Variants in SRD5A2 observed in about 807,000 individuals in gnomAD.
The protein encoded by SRD5A2 is 3-oxo-5-alpha-steroid 4-dehydrogenase 2.
SRD5A2 carries 30 observed loss-of-function variants against 27.4 expected under a neutral mutation model. The ratio of observed to expected loss-of-function variants is 1.10; its 90% confidence interval spans 0.82 to 1.49. The LOEUF is 1.49. Among genes scored for constraint, SRD5A2 ranks in the 40% most tolerant of loss-of-function variants. SRD5A2 has a pLI of 0.00. For synonymous variants in SRD5A2, 141 were observed against 133.6 expected (o/e 1.06, Z -0.38); for missense variants, 348 against 323.4 (o/e 1.08, Z -0.58).
At chr2:31,603,842 A>G in the SRD5A2 span, among the ~76,000 whole-genome samples, 1 of 152,010 alleles carries the variant, frequency 6.6e-6, no homozygotes, top group Non-Finnish European at 1.5e-5. Flanking sequence ...GAACTGAATG[A>G]TAAGAACACA....
chr2:31,531,857 C>T (rs1665915442), intron 2 of SRD5A2, among the ~76,000 whole-genome samples: 2 of 152,210 alleles, frequency 1.3e-5, no homozygotes, highest in Admixed American at 1.3e-4. Context: ...CTGATTCCAG[C>T]CCCTTTTCTT....
At chr2:31,581,760 C>G (rs1476077129), upstream of SRD5A2, among the ~76,000 whole-genome samples, 2 of 152,216 alleles carry the variant, frequency 1.3e-5, no homozygotes, top group African/African-American at 4.8e-5. Flanking sequence ...GGGCTTCTTT[C>G]CTGGGATGCC....
At chr2:31,591,831 G>C in the SRD5A2 span, among the ~76,000 whole-genome samples, 1 of 113,460 alleles carries the variant, frequency 8.8e-6, no homozygotes, top group Non-Finnish European at 1.8e-5. Context: ...GCAAACTATC[G>C]CAAGGACAAA....
chr2:31,525,828 A>G lies in SRD5A2; in HGVS notation c.*368T>C. ...CTATAAGTACTGCCTTCAAGTCAAAAAATTCTTGATTACAGAGTTGTCCTG... is the reference window on the plus strand; with the variant it reads ...CTATAAGTACTGCCTTCAAGTCAAAGAATTCTTGATTACAGAGTTGTCCTG... On this transcript the variant is annotated 3_prime_UTR_variant, in exon 5 of 5. Coordinates refer to ENST00000622030, the MANE Select transcript of SRD5A2 (RefSeq NM_000348.4). The G allele has an allele frequency of 3.9e-6, 1 of 253,782 alleles. No individual in the cohort carries two copies. The highest frequency in any genetic ancestry group is 7.7e-6 in the Non-Finnish European group (1 of 130,516). The allele number at this position is 253,782 out of a possible 1,614,324, so 15.7% of individuals were successfully genotyped here.
Position 31,580,825 on chromosome 2 carries a change from A to G in SRD5A2, c.76T>C (p.Tyr26His), listed in dbSNP as rs1305084717. ...TLVALGALAL[Y>H]VAKPSGYGKH... ...CCGTAGCCGGAGGGCTTCGCGACGT[A>G]CAAGGCCAGTGCCCCAAGGGCGACC... The change falls in exon 1 of 5, where the codon TAC becomes CAC. Residue 26 changes from tyrosine (Y) to histidine (H), a missense_variant. Transcript: ENST00000622030. 1 of 1,612,544 alleles carries G rather than the reference A, an allele frequency of 6.2e-7. No individual in the cohort carries two copies. The highest frequency in any genetic ancestry group is 8.5e-7 in the Non-Finnish European group (1 of 1,179,698).
At chr2:31,626,881 T>A in the SRD5A2 span, among the ~76,000 whole-genome samples, 1 of 152,134 alleles carries the variant, frequency 6.6e-6, no homozygotes, top group South Asian at 2.1e-4. Flanking sequence ...ATAAAATGAG[T>A]TAGGGAGGAT....
rs771073521 is a variant in SRD5A2, at chr2:31,529,432, T to C, written c.573A>G (p.Gly191=). The change falls in exon 4 of 5, where the codon GGA becomes GGG. Residue 191 remains glycine, a synonymous_variant. Coordinates refer to ENST00000622030, the MANE Select transcript of SRD5A2 (RefSeq NM_000348.4). ...CAATGATCTCACCGAGGAAATTGGC[T>C]CCAGAAACATACGTAAACAAGCCAC... The part of the protein sequence containing the change: ...PQGGLFTYVS[G]ANFLGEIIEW... The C allele has an allele frequency of 6.8e-6, 11 of 1,613,498 alleles. No individual in the cohort carries two copies. In the Admixed American group the frequency reaches 1.8e-4, roughly 27 times the overall value.
At chr2:31,540,733 T>G (rs760355406) in intron 1 of SRD5A2, among the ~76,000 whole-genome samples, 2 of 152,254 alleles carry the variant, frequency 1.3e-5, no homozygotes, top group Non-Finnish European at 2.9e-5. Context: ...CAGTCAATTT[T>G]AGCTCTTAGC....
At chr2:31,601,050 C>T in the SRD5A2 span, among the ~76,000 whole-genome samples, 1 of 151,928 alleles carries the variant, frequency 6.6e-6, no homozygotes, top group South Asian at 2.1e-4. Flanking sequence ...CCAAAGCTAG[C>T]AGAAGACAAG....
chr2:31,642,775 AGAG>A, the SRD5A2 span, among the ~76,000 whole-genome samples: 1 of 152,036 alleles, frequency 6.6e-6, no homozygotes, highest in Non-Finnish European at 1.5e-5. Flanking sequence ...ATGTCCACTA[AGAG>A]GAGAATAGAC....
the SRD5A2 span, among the ~76,000 whole-genome samples, chr2:31,652,492 C>A: frequency 6.6e-6 from 1 of 151,598 alleles, no homozygotes; most frequent in African/African-American, 2.4e-5. Context: ...GCCCAGCACT[C>A]CAAAATAAAG....
chr2:31,657,874 T>C, the SRD5A2 span, among the ~76,000 whole-genome samples: 1 of 151,478 alleles, frequency 6.6e-6, no homozygotes, highest in Non-Finnish European at 1.5e-5. Flanking sequence ...AAATAAAAAG[T>C]CATCATGAAA....
At chr2:31,630,148 T>C in the SRD5A2 span, among the ~76,000 whole-genome samples, 1 of 152,190 alleles carries the variant, frequency 6.6e-6, no homozygotes, top group African/African-American at 2.4e-5. Context: ...TCTACCCAGC[T>C]TACCCCTCTG....
chr2:31,552,180 T>C (rs926886737), intron 1 of SRD5A2, among the ~76,000 whole-genome samples: 1 of 149,984 alleles, frequency 6.7e-6, no homozygotes, highest in African/African-American at 2.5e-5. Context: ...CCAAAATACC[T>C]TTGTGAGACT....
chr2:31,582,087 C>T (rs141562541), upstream of SRD5A2, among the ~76,000 whole-genome samples: 1 of 152,162 alleles, frequency 6.6e-6, no homozygotes, highest in African/African-American at 2.4e-5. Flanking sequence ...ATTCTTTCAT[C>T]TTCCTGTCCC....
At chr2:31,535,889 C>T (rs373910708) in intron 1 of SRD5A2, among the ~76,000 whole-genome samples, 1 of 152,142 alleles carries the variant, frequency 6.6e-6, no homozygotes. Flanking sequence ...GCAAGGGCTC[C>T]GTGGTTAAAA....
At chr2:31,613,584 G>C in the SRD5A2 span, among the ~76,000 whole-genome samples, 1 of 152,104 alleles carries the variant, frequency 6.6e-6, no homozygotes, top group Admixed American at 6.5e-5. Flanking sequence ...AATTATTATA[G>C]GCATTTTGGA....
At chr2:31,579,301 G>A (rs984925735) in intron 1 of SRD5A2, among the ~76,000 whole-genome samples, 4 of 152,182 alleles carry the variant, frequency 2.6e-5, no homozygotes, top group African/African-American at 7.2e-5. Context: ...TTTGAAATCC[G>A]TCTCTGACAC....
At chr2:31,558,809 G>T (rs898816812) in intron 1 of SRD5A2, among the ~76,000 whole-genome samples, 1 of 152,148 alleles carries the variant, frequency 6.6e-6, no homozygotes, top group Non-Finnish European at 1.5e-5. Flanking sequence ...TATAGTATAT[G>T]GTCTAGGTGT....
Sources: gnomAD v4.1 joint callset for allele counts (sites outside exome capture counted in the v4.1 genomes callset) on GRCh38, gnomAD v4.1.1 for gene constraint, MANE v1.5 for transcripts, NCBI Gene and HGNC (gene_info 2026-07-23, HGNC 2026-07-21) for gene names.